The following CSNK2A2IP variants were observed in gnomAD, a reference collection of about 807,000 sequenced individuals.
CSNK2A2IP encodes casein kinase II subunit alpha'-interacting protein.
the CSNK2A2IP span, among the ~76,000 whole-genome samples, chr3:88,393,341 G>A: frequency 1.3e-5 from 2 of 152,200 alleles, no homozygotes; most frequent in East Asian, 3.9e-4. Context: ...TACGGAGAAA[G>A]TGCTTAGTGT....
At chr3:88,350,103 G>GC in the CSNK2A2IP span, among the ~76,000 whole-genome samples, 1 of 151,884 alleles carries the variant, frequency 6.6e-6, no homozygotes, top group Non-Finnish European at 1.5e-5. Flanking sequence ...TCTAAACACA[G>GC]CCTTTTCTAG....
At chr3:88,370,946 A>C in the CSNK2A2IP span, among the ~76,000 whole-genome samples, 3 of 151,796 alleles carry the variant, frequency 2.0e-5, no homozygotes, top group African/African-American at 7.2e-5. Flanking sequence ...AGGTGAGAAC[A>C]TAATGAGAAA....
the CSNK2A2IP span, among the ~76,000 whole-genome samples, chr3:88,351,648 C>T: frequency 6.6e-6 from 1 of 151,998 alleles, no homozygotes; most frequent in Non-Finnish European, 1.5e-5. Context: ...AGTCATTTCC[C>T]ATGCCAAATA....
At chr3:88,355,440 CA>C in the CSNK2A2IP span, among the ~76,000 whole-genome samples, 1 of 150,898 alleles carries the variant, frequency 6.6e-6, no homozygotes, top group Admixed American at 6.6e-5. Context: ...GTATCCAAAG[CA>C]AAAAAAATCT....
the CSNK2A2IP span, among the ~76,000 whole-genome samples, chr3:88,346,264 G>C: frequency 6.6e-6 from 1 of 152,032 alleles, no homozygotes; most frequent in Non-Finnish European, 1.5e-5. Context: ...TAAGCAGCAA[G>C]TGCCAATGGA....
At chr3:88,363,536 C>T in the CSNK2A2IP span, among the ~76,000 whole-genome samples, 1 of 152,062 alleles carries the variant, frequency 6.6e-6, no homozygotes, top group African/African-American at 2.4e-5. Flanking sequence ...TTTTTCTCTT[C>T]TTGCTTGGTA....
chr3:88,353,221 T>C, the CSNK2A2IP span, among the ~76,000 whole-genome samples: 1 of 152,210 alleles, frequency 6.6e-6, no homozygotes, highest in African/African-American at 2.4e-5. Flanking sequence ...TTCACTCATT[T>C]ATTCATTCAA....
the CSNK2A2IP span, among the ~76,000 whole-genome samples, chr3:88,349,512 G>T: frequency 2.0e-5 from 3 of 151,958 alleles, no homozygotes; most frequent in African/African-American, 7.2e-5. Context: ...ATATATACTG[G>T]ATTTTCTTTA....
chr3:88,360,415 G>A, the CSNK2A2IP span, among the ~76,000 whole-genome samples: 3 of 152,152 alleles, frequency 2.0e-5, no homozygotes, highest in Admixed American at 2.0e-4. Context: ...TTATAGGCGT[G>A]AGCCACTGCG....
At chr3:88,418,463 T>TGTGTGTGCACGCGC in the CSNK2A2IP span, among the ~76,000 whole-genome samples, 1 of 149,536 alleles carries the variant, frequency 6.7e-6, no homozygotes, top group Non-Finnish European at 1.5e-5. Context: ...TGTGTGTGTG[T>TGTGTGTGCACGCGC]GCGCGCGGGC....
the CSNK2A2IP span, among the ~76,000 whole-genome samples, chr3:88,428,668 T>C: frequency 2.0e-5 from 3 of 152,146 alleles, no homozygotes; most frequent in African/African-American, 4.8e-5. Context: ...TTATTAGAAG[T>C]AGTATGGTCT....
At chr3:88,451,946 T>C in the CSNK2A2IP span, among the ~76,000 whole-genome samples, 1 of 152,102 alleles carries the variant, frequency 6.6e-6, no homozygotes, top group African/African-American at 2.4e-5. Context: ...GAATTGAGTT[T>C]CCTATTCTTC....
chr3:88,418,463 T>TGTGTGTGCGCGC, the CSNK2A2IP span, among the ~76,000 whole-genome samples: 937 of 149,602 alleles, frequency 6.3e-3, 7 homozygotes, highest in African/African-American at 0.018. Flanking sequence ...TGTGTGTGTG[T>TGTGTGTGCGCGC]GCGCGCGGGC....
At chr3:88,351,887 G>T in the CSNK2A2IP span, among the ~76,000 whole-genome samples, 610 of 152,122 alleles carry the variant, frequency 4.0e-3, 4 homozygotes, top group African/African-American at 0.014. Flanking sequence ...GATTTTCAGA[G>T]TTCATCATTT....
At chr3:88,446,032 TTCTTTCTTTC>T in the CSNK2A2IP span, among the ~76,000 whole-genome samples, 1 of 5,810 alleles carries the variant, frequency 1.7e-4, no homozygotes, top group African/African-American at 7.1e-4. Context: ...TTTGTTTCTT[TTCTTTCTTTC>T]TTTCTTTCTT....
the CSNK2A2IP span, among the ~76,000 whole-genome samples, chr3:88,363,662 G>A: frequency 6.6e-6 from 1 of 152,146 alleles, no homozygotes; most frequent in South Asian, 2.1e-4. Flanking sequence ...ATTTCTATAA[G>A]TATTCTTGAA....
At chr3:88,465,254 T>C in the CSNK2A2IP span, 16 of 595,526 alleles carry the variant, frequency 2.7e-5, no homozygotes, top group East Asian at 1.4e-4. Context: ...GCAACTGTTA[T>C]GTAAAAGTAT....
At chr3:88,380,089 A>G in the CSNK2A2IP span, among the ~76,000 whole-genome samples, 3 of 152,192 alleles carry the variant, frequency 2.0e-5, no homozygotes, top group Non-Finnish European at 2.9e-5. Flanking sequence ...ACAAAAGCAT[A>G]CATGCTTTAA....
At chr3:88,391,409 C>T in the CSNK2A2IP span, among the ~76,000 whole-genome samples, 6 of 152,170 alleles carry the variant, frequency 3.9e-5, no homozygotes, top group Middle Eastern at 3.4e-3. Context: ...GGACATAATA[C>T]CTTTATTCAT....
Sources: gnomAD v4.1 joint callset for allele counts (sites outside exome capture counted in the v4.1 genomes callset) on GRCh38, gnomAD v4.1.1 for gene constraint, MANE v1.5 for transcripts, NCBI Gene and HGNC (gene_info 2026-07-23, HGNC 2026-07-21) for gene names.